ARHGAP8: variants seen among roughly 807,000 people sequenced by gnomAD.
ARHGAP8 encodes rho GTPase-activating protein 8.
ARHGAP8 carries 62 observed loss-of-function variants against 46.1 expected under a neutral mutation model. That is an observed-to-expected ratio of 1.34 (90% CI 1.10 to 1.66). The LOEUF is 1.66. ARHGAP8 is among the 40% of genes most tolerant of loss of function. The pLI is 0.00. For missense variants in ARHGAP8, 923 were observed against 568.4 expected, an observed-to-expected ratio of 1.62 and a Z score of -6.34; for synonymous variants, 375 against 243.1, an observed-to-expected ratio of 1.54 and a Z score of -5.05.
At chr22:44,848,380 TC>T (rs2070012785) in intron 9 of ARHGAP8, among the ~76,000 whole-genome samples, 1 of 152,006 alleles carries the variant, frequency 6.6e-6, no homozygotes, top group African/African-American at 2.4e-5. Flanking sequence ...ATCTGGCAGC[TC>T]CCCCGAATTG....
intron 7 of ARHGAP8, among the ~76,000 whole-genome samples, chr22:44,828,826 G>A (rs1930723376): frequency 1.3e-5 from 2 of 152,022 alleles, no homozygotes; most frequent in South Asian, 4.1e-4. Flanking sequence ...CGTTACTGGG[G>A]CTCTGCTGGG....
chr22:44,861,821 C>T (rs542645755), intron 11 of ARHGAP8, among the ~76,000 whole-genome samples: 173 of 152,252 alleles, frequency 1.1e-3, no homozygotes, highest in African/African-American at 4.0e-3. Context: ...GGACAAGGAG[C>T]CCCTTCTAGC....
chr22:44,831,774 A>G (rs1930964618), intron 7 of ARHGAP8, among the ~76,000 whole-genome samples: 1 of 152,100 alleles, frequency 6.6e-6, no homozygotes, highest in Non-Finnish European at 1.5e-5. Flanking sequence ...AATAAACATG[A>G]GGGTTTATTT....
At chr22:44,858,154 A>C (rs1264967633) in intron 10 of ARHGAP8, among the ~76,000 whole-genome samples, 2 of 152,210 alleles carry the variant, frequency 1.3e-5, no homozygotes, top group African/African-American at 2.4e-5. Context: ...GAATGATCAT[A>C]GTGGGGAGTC....
At chr22:44,786,429 T>C (rs975342452) in intron 1 of ARHGAP8, 28 bp from the exon 2 acceptor site, 4 of 1,556,988 alleles carry the variant, frequency 2.6e-6, no homozygotes, top group African/African-American at 1.4e-5. Context: ...GAGAATGCAC[T>C]GACTTCCTTT....
intron 7 of ARHGAP8, among the ~76,000 whole-genome samples, chr22:44,826,441 C>T (rs140402350): frequency 0.014 from 2,149 of 152,138 alleles, 26 homozygotes; most frequent in Non-Finnish European, 0.022. Context: ...TTTGGGGTGG[C>T]GGGAACAGAG....
chr22:44,753,836 C>A (rs1924451295), intron 1 of ARHGAP8, among the ~76,000 whole-genome samples: 1 of 151,142 alleles, frequency 6.6e-6, no homozygotes, highest in Admixed American at 6.6e-5. Flanking sequence ...CTGTGCCGTC[C>A]CTCGCTTGCC....
intron 2 of ARHGAP8, among the ~76,000 whole-genome samples, chr22:44,794,087 AC>A (rs1347183499): frequency 2.4e-4 from 37 of 152,280 alleles, no homozygotes; most frequent in African/African-American, 8.9e-4. Context: ...GCGTCAACCC[AC>A]CCTGACGCTC....
At chr22:44,820,677 T>C (rs1187066272) in intron 5 of ARHGAP8, among the ~76,000 whole-genome samples, 1 of 152,208 alleles carries the variant, frequency 6.6e-6, no homozygotes, top group Non-Finnish European at 1.5e-5. Flanking sequence ...GTGGCTATTC[T>C]GCAGCCCCAG....
At chr22:44,797,534 C>G (rs926503676) in intron 2 of ARHGAP8, among the ~76,000 whole-genome samples, 1 of 152,166 alleles carries the variant, frequency 6.6e-6, no homozygotes, top group African/African-American at 2.4e-5. Flanking sequence ...CCCTTTAAAA[C>G]AGAAGCTTGC....
chr22:44,800,443 A>C (rs1928416021), intron 2 of ARHGAP8, among the ~76,000 whole-genome samples: 1 of 152,156 alleles, frequency 6.6e-6, no homozygotes, highest in South Asian at 2.1e-4. Context: ...CCTGGCCCGG[A>C]GCCTGGATTC....
chr22:44,846,617 T>G (rs1383291276), intron 8 of ARHGAP8, among the ~76,000 whole-genome samples: 1 of 152,120 alleles, frequency 6.6e-6, no homozygotes, highest in Non-Finnish European at 1.5e-5. Context: ...TGCCCCTCCT[T>G]GCCCTCTACC....
At chr22:44,761,306 G>A (rs1178368487) in intron 1 of ARHGAP8, among the ~76,000 whole-genome samples, 1 of 152,176 alleles carries the variant, frequency 6.6e-6, no homozygotes, top group Non-Finnish European at 1.5e-5. Flanking sequence ...CCATATTATG[G>A]GTTCCTCATC....
At chr22:44,843,490 T>G (rs1931781127) in intron 7 of ARHGAP8, among the ~76,000 whole-genome samples, 1 of 152,174 alleles carries the variant, frequency 6.6e-6, no homozygotes, top group African/African-American at 2.4e-5. Context: ...AATAATAAAG[T>G]AGTATGAGGC....
chr22:44,767,312 G>A (rs1925647776), intron 1 of ARHGAP8, among the ~76,000 whole-genome samples: 2 of 152,082 alleles, frequency 1.3e-5, no homozygotes, highest in Non-Finnish European at 1.5e-5. Flanking sequence ...AGTTGGTATT[G>A]TTCATTTCGG....
intron 2 of ARHGAP8, among the ~76,000 whole-genome samples, chr22:44,800,596 G>GTA (rs1928435890): frequency 1.3e-5 from 1 of 78,342 alleles, no homozygotes; most frequent in African/African-American, 6.2e-5. Context: ...TGTGGGGGGC[G>GTA]CCCCTCCCCG....
At chr22:44,811,152 G>A (rs186345127) in intron 4 of ARHGAP8, among the ~76,000 whole-genome samples, 9 of 152,320 alleles carry the variant, frequency 5.9e-5, no homozygotes, top group Admixed American at 6.5e-5. Context: ...CTGCTGGTTC[G>A]CACATAAGGA....
At position 44,806,957 on chromosome 22, in the gene ARHGAP8, C is replaced by CAAAA. The variant is rs565485539; in HGVS notation, c.168-1337_168-1334dup. Among the ~76,000 whole-genome samples, 12 of 113,086 alleles carry CAAAA rather than the reference C, an allele frequency of 1.1e-4. 1 individual carries two copies. Among genetic ancestry groups the CAAAA allele is most frequent in the Admixed American group, 2.8e-4 (3 of 10,900 alleles). 74.2% of individuals were successfully genotyped at this position (113,086 alleles called of 152,430 possible). ...CCAGCCTGGGTGACAGACTCTGTCT[C>CAAAA]AAAAAAAAAAAAAAAAGAAATCAAA... On this transcript the variant is annotated intron_variant, in intron 3 of 11. Transcript: ENST00000356099.
chr22:44,774,435 T>A (rs1425639467), intron 1 of ARHGAP8, among the ~76,000 whole-genome samples: 1 of 152,100 alleles, frequency 6.6e-6, no homozygotes, highest in Non-Finnish European at 1.5e-5. Flanking sequence ...AACAAAAAAA[T>A]GCCTTTATAA....
Sources: allele counts gnomAD v4.1 joint callset (sites outside exome capture counted in the v4.1 genomes callset), GRCh38; gene constraint gnomAD v4.1.1; transcripts MANE v1.5; gene names NCBI Gene and HGNC (gene_info 2026-07-23, HGNC 2026-07-21).